Variants in MILR1 observed in about 807,000 individuals in gnomAD.
The protein encoded by MILR1 is mast cell immunoglobulin like receptor 1.
A neutral mutation model predicts 18.5 loss-of-function variants in MILR1; 31 were observed. The ratio of observed to expected loss-of-function variants is 1.68; its 90% confidence interval spans 1.26 to 2.26. MILR1 has a LOEUF of 2.26. Ranked by LOEUF, MILR1 falls within the 30% of genes most tolerant of loss-of-function variation. The pLI, the probability that MILR1 is intolerant of heterozygous loss-of-function variation, is 0.00. For missense variants in MILR1, 257 were observed against 157.4 expected (o/e 1.63, Z -3.38); for synonymous variants, 85 against 56.2 (o/e 1.51, Z -2.30).
chr17:64,467,612 T>C lies in MILR1; in HGVS notation c.1027T>C (p.Phe343Leu). ...TGGATATGTCTATTCTGAACTCAAC[T>C]TCTGAAATTTACAGAAACAAACTAC... is the stretch of plus-strand genomic sequence containing the variant. ...KSGYVYSELN[F>L] Residue 343 changes from phenylalanine to leucine, a missense_variant, in exon 9 of 10, where the codon TTC (phenylalanine) becomes CTC (leucine). Coordinates refer to ENST00000619286, the MANE Select transcript of MILR1 (RefSeq NM_001085423.2). 6.4e-7 allele frequency: 1 copy of C among 1,566,378 alleles called. No homozygotes were observed. Among genetic ancestry groups the C allele is most frequent in the Non-Finnish European group, 8.7e-7 (1 of 1,148,808 alleles).
chr17:64,485,583 T>C, the MILR1 span: 2 of 703,696 alleles, frequency 2.8e-6, no homozygotes, highest in Non-Finnish European at 4.9e-6. Flanking sequence ...TGTGGCCAGA[T>C]TCTAAAAAAA....
At chr17:64,477,045 C>A in the MILR1 span, among the ~76,000 whole-genome samples, 1 of 152,152 alleles carries the variant, frequency 6.6e-6, no homozygotes, top group Non-Finnish European at 1.5e-5. Flanking sequence ...CAATATATGA[C>A]ATCTAACATA....
Position 64,468,056 on chromosome 17 carries a change from C to T in MILR1, c.*29-254C>T, listed in dbSNP as rs543602191. 38 of 350,834 alleles carry T rather than the reference C, an allele frequency of 1.1e-4. No individual in the cohort carries two copies. In the East Asian group the frequency reaches 3.0e-3, roughly 28 times the overall value. The allele number at this position is 350,834 out of a possible 1,614,324, so 21.7% of individuals were successfully genotyped here. ...GATGTGCTGCCAGGGAGAGAGCCCA[C>T]AGAGTTGAGTTGTGGGGGAGGGAGA... is the stretch of plus-strand genomic sequence containing the variant. On this transcript the variant is annotated intron_variant, in intron 9 of 9. Coordinates refer to ENST00000619286, the MANE Select transcript of MILR1 (RefSeq NM_001085423.2).
At chr17:64,458,587 A>C (rs1449300586) in intron 4 of MILR1, among the ~76,000 whole-genome samples, 5 of 151,840 alleles carry the variant, frequency 3.3e-5, no homozygotes, top group African/African-American at 1.2e-4. Flanking sequence ...TGATGGGTCC[A>C]GACTCCTGCA....
chr17:64,479,106 T>C, the MILR1 span, among the ~76,000 whole-genome samples: 11 of 151,980 alleles, frequency 7.2e-5, no homozygotes, highest in Non-Finnish European at 1.6e-4. Flanking sequence ...GTGCTGCCCC[T>C]TCATTTTACA....
chr17:64,483,721 C>CTT, the MILR1 span, among the ~76,000 whole-genome samples: 5 of 137,298 alleles, frequency 3.6e-5, no homozygotes, highest in Non-Finnish European at 3.2e-5. Flanking sequence ...ATGAAATTTG[C>CTT]TTTTTTTTTT....
At chr17:64,460,207 G>A (rs2037402142) in intron 4 of MILR1, among the ~76,000 whole-genome samples, 1 of 151,756 alleles carries the variant, frequency 6.6e-6, no homozygotes, top group African/African-American at 2.4e-5. Context: ...TATATTTTGG[G>A]TAGAGACAGG....
At chr17:64,484,974 AAACT>A in the MILR1 span, among the ~76,000 whole-genome samples, 1 of 152,330 alleles carries the variant, frequency 6.6e-6, no homozygotes, top group South Asian at 2.1e-4. Flanking sequence ...TTCCACATTT[AAACT>A]AATAGTGCCT....
the MILR1 span, chr17:64,481,327 A>G: frequency 1.0e-6 from 1 of 985,324 alleles, no homozygotes; most frequent in Non-Finnish European, 1.2e-6. Flanking sequence ...ACCTCTCCAC[A>G]AAAGCCAGGG....
intron 4 of MILR1, among the ~76,000 whole-genome samples, chr17:64,459,723 A>G (rs2037380610): frequency 6.6e-6 from 1 of 152,186 alleles, no homozygotes; most frequent in Admixed American, 6.6e-5. Flanking sequence ...TGGGATAAAT[A>G]AGGCAACACA....
At chr17:64,497,138 C>G in the MILR1 span, 2 of 705,930 alleles carry the variant, frequency 2.8e-6, no homozygotes, top group Non-Finnish European at 5.0e-6. Flanking sequence ...CCGGCCGCAG[C>G]CGTCCCCCGC....
chr17:64,476,919 C>A, the MILR1 span, among the ~76,000 whole-genome samples: 11 of 151,780 alleles, frequency 7.2e-5, no homozygotes, highest in African/African-American at 2.7e-4. Flanking sequence ...TTTACAGGCA[C>A]TATCAGTTGG....
the MILR1 span, among the ~76,000 whole-genome samples, chr17:64,486,188 C>G: frequency 6.6e-6 from 1 of 152,174 alleles, no homozygotes; most frequent in African/African-American, 2.4e-5. Flanking sequence ...CTCAGTGTTT[C>G]ATCAGCGAGG....
chr17:64,467,790 C>A, intron 9 of MILR1, 145 bp downstream of exon 9: 1 of 520,086 alleles, frequency 1.9e-6, no homozygotes, highest in Non-Finnish European at 3.5e-6. Flanking sequence ...CAAAAATTAG[C>A]CAGGTGTGGT....
Position 64,466,497 on chromosome 17 carries a change from TG to T in MILR1, c.910+1del. Reference protein sequence around the residue: ...SRPCVSTAQDEAKHSQELQYA... With the variant: ...SRPCVSTAQDXAKHSQELQYA... The stretch of plus-strand genomic sequence containing the variant: ...GGCCGTGTGTTTCCACAGCCCAAGA[TG>T]GTGAGCATGTTCTGCAGAGTCTATT... On this transcript the variant is annotated frameshift_variant and splice_region_variant, in exon 7 of 10. Transcript: ENST00000619286. LOFTEE classifies it high-confidence loss of function. The T allele has an allele frequency of 6.2e-7, 1 of 1,613,830 alleles. No homozygotes were observed.
At chr17:64,454,137 C>G (rs904969231) in intron 3 of MILR1, among the ~76,000 whole-genome samples, 7 of 151,950 alleles carry the variant, frequency 4.6e-5, no homozygotes, top group Non-Finnish European at 8.8e-5. Context: ...ACCATGTTGA[C>G]CAGGCTGGTC....
chr17:64,485,313 G>C, the MILR1 span: 5 of 189,456 alleles, frequency 2.6e-5, no homozygotes, highest in Non-Finnish European at 4.4e-5. Context: ...CTCTGATCCA[G>C]GAACCAGCCA....
intron 5 of MILR1, among the ~76,000 whole-genome samples, chr17:64,462,410 G>T (rs1380156192): frequency 6.6e-6 from 1 of 152,144 alleles, no homozygotes; most frequent in Non-Finnish European, 1.5e-5. Context: ...CAAGTGGTGC[G>T]GCTGCTCCTG....
At position 64,449,327 on chromosome 17, in the gene MILR1, A is replaced by G. The variant is rs2037113200; in HGVS notation, c.69A>G (p.Val23=). ...IFSSVTCRKA[V]LDCEAMKTNE... ...TTTCTGTTTCAGGTAGAAAAGCTGTATTGGATTGTGAGGCAATGAAAACAA... is the reference window on the plus strand; with the variant it reads ...TTTCTGTTTCAGGTAGAAAAGCTGTGTTGGATTGTGAGGCAATGAAAACAA... Residue 23 remains valine (V), a synonymous_variant, in exon 2 of 10, where the codon GTA becomes GTG. Coordinates refer to ENST00000619286, the MANE Select transcript of MILR1 (RefSeq NM_001085423.2). 6.3e-6 allele frequency: 3 copies of G among 473,448 alleles called. No individual in the cohort carries two copies. Among genetic ancestry groups the G allele is most frequent in the Admixed American group, 3.2e-5 (1 of 31,444 alleles). 29.3% of individuals were successfully genotyped at this position (473,448 alleles called of 1,614,324 possible).
Sources: gnomAD v4.1 joint callset for allele counts (sites outside exome capture counted in the v4.1 genomes callset) on GRCh38, gnomAD v4.1.1 for gene constraint, MANE v1.5 for transcripts, NCBI Gene and HGNC (gene_info 2026-07-23, HGNC 2026-07-21) for gene names.